Variants in NAA80 observed in about 807,000 individuals in gnomAD.
NAA80 encodes N-alpha-acetyltransferase 80.
A neutral mutation model predicts 8.7 loss-of-function variants in NAA80; 5 were observed. That is an observed-to-expected ratio of 0.58 (90% CI 0.30 to 1.21). The LOEUF (loss-of-function observed/expected upper bound fraction) is 1.21, where lower values mean the gene tolerates loss of function less well. NAA80 is among the 50% of genes most tolerant of loss of function. The pLI is 0.07. For missense variants in NAA80, 360 were observed against 368.6 expected (o/e 0.98, Z 0.19); for synonymous variants, 149 against 156.6 (o/e 0.95, Z 0.36).
chr3:50,298,916 G>A (rs1197445515), intron 1 of NAA80: 16 of 1,378,594 alleles, frequency 1.2e-5, no homozygotes, highest in South Asian at 9.1e-5. Flanking sequence ...CTTCCCCGCG[G>A]CCTTAACCCC....
intron 1 of NAA80, chr3:50,298,958 GC>G: frequency 7.0e-7 from 1 of 1,432,292 alleles, no homozygotes; most frequent in African/African-American, 1.4e-5. Context: ...TGTGGGCGGG[GC>G]TCCGGGGTCC....
chr3:50,297,807 C>A lies in NAA80; in HGVS notation c.-209-135G>T. 9.4e-6 allele frequency: 11 copies of A among 1,175,182 alleles called. No homozygotes were observed. Among genetic ancestry groups the A allele is most frequent in the Non-Finnish European group, 1.2e-5 (11 of 950,494 alleles). 72.8% of individuals were successfully genotyped at this position (1,175,182 alleles called of 1,614,324 possible). A position where few individuals can be genotyped will look rare whatever the true frequency, so the allele number is the denominator to read the frequency against. On this transcript the variant is annotated intron_variant, in intron 1 of 1. Coordinates refer to ENST00000443094, the MANE Select transcript of NAA80 (RefSeq NM_001200016.2). The surrounding 1 kb of genome is among the most constrained non-coding windows in gnomAD (Gnocchi z 4.3). ...GGGCTGCACTTTGTCCCACACTCAC[C>A]TGATAGCACAGGTGACCTGGAAGAG... is the stretch of plus-strand genomic sequence containing the variant.
chr3:50,298,737 T>G (rs1701978796), intron 1 of NAA80: 1 of 1,016,416 alleles, frequency 9.8e-7, no homozygotes, highest in Non-Finnish European at 1.2e-6. Context: ...TCTCCTGAGC[T>G]TGAGGCCAAT....
At position 50,297,765 on chromosome 3, in the gene NAA80, T is replaced by G; in HGVS notation, c.-209-93A>C. ...AGAGTGCAGGGGGGACCATGCATAC[T>G]GGAACTGGGGAGTGGTGGGCTGCAC... On this transcript the variant is annotated intron_variant, in intron 1 of 1. Transcript: ENST00000443094. The surrounding 1 kb of genome is among the most constrained non-coding windows in gnomAD (Gnocchi z 4.3). 7.9e-7 allele frequency: 1 copy of G among 1,268,082 alleles called. No homozygotes were observed. Among genetic ancestry groups the G allele is most frequent in the African/African-American group, 1.5e-5 (1 of 65,236 alleles). The allele number at this position is 1,268,082 out of a possible 1,614,324, so 78.6% of individuals were successfully genotyped here. A position where few individuals can be genotyped will look rare whatever the true frequency, so the allele number is the denominator to read the frequency against.
chr3:50,297,262 G>C lies in NAA80; in HGVS notation c.202C>G (p.Arg68Gly). 6.2e-7 allele frequency: 1 copy of C among 1,609,700 alleles called. No individual in the cohort carries two copies. The highest frequency in any genetic ancestry group is 8.5e-7 in the Non-Finnish European group (1 of 1,177,210). Residue 68 changes from arginine to glycine, a missense_variant, in exon 2 of 2, where the codon CGA becomes GGA. Arg to Gly is a moderately radical substitution (Grantham distance 125). Transcript: ENST00000443094. This position sits in a 1 kb window ranked among gnomAD's most constrained non-coding sequence, Gnocchi z 4.3. ...AELTLEPVHRRPELLDACADL... is the reference protein window; with the variant it reads ...AELTLEPVHRGPELLDACADL... ...GCACAAGCATCCAGGAGCTCGGGTCGGCGGTGCACAGGCTCCAGGGTCAAC... is the reference window on the plus strand; with the variant it reads ...GCACAAGCATCCAGGAGCTCGGGTCCGCGGTGCACAGGCTCCAGGGTCAAC...
intron 1 of NAA80, chr3:50,298,917 C>A: frequency 7.2e-7 from 1 of 1,381,154 alleles, no homozygotes; most frequent in South Asian, 1.5e-5. Flanking sequence ...TTCCCCGCGG[C>A]CTTAACCCCT....
Position 50,296,558 on chromosome 3 carries a change from G to C in NAA80, c.*45C>G, listed in dbSNP as rs781996881. On this transcript the variant is annotated 3_prime_UTR_variant, in exon 2 of 2. Transcript: ENST00000443094. The stretch of plus-strand genomic sequence containing the variant: ...TGGGCTGAGGCTTGTAGACTGTCGG[G>C]GCAGTCTATTGAACCAGAAAGACAG... 17 of 1,591,390 alleles carry C rather than the reference G, an allele frequency of 1.1e-5. No individual in the cohort carries two copies. Among genetic ancestry groups the C allele is most frequent in the African/African-American group, 9.4e-5 (7 of 74,506 alleles).
intron 1 of NAA80, among the ~76,000 whole-genome samples, chr3:50,298,491 G>T (rs1701957310): frequency 2.0e-5 from 3 of 151,484 alleles, no homozygotes; most frequent in African/African-American, 7.3e-5. Flanking sequence ...ACTGGCTTGA[G>T]TTTCGCAGGC....
At position 50,296,871 on chromosome 3, in the gene NAA80, AC is replaced by A. The variant is rs1553711282; in HGVS notation, c.592del (p.Val198SerfsTer30). On this transcript the variant is annotated frameshift_variant, in exon 2 of 2. Coordinates refer to ENST00000443094, the MANE Select transcript of NAA80 (RefSeq NM_001200016.2). LOFTEE classifies it low-confidence loss of function (END_TRUNC). ...YQLGEPVQGL[V>X]FTSRRLPATL... Reference sequence around the variant, plus strand: ...GGCAGGCAGCCGTCTGCTGGTGAAGACCAGGCCCTGCACAGGCTCACCCAGC... The same window carrying A: ...GGCAGGCAGCCGTCTGCTGGTGAAGACAGGCCCTGCACAGGCTCACCCAGC... 6.2e-7 allele frequency: 1 copy of A among 1,601,018 alleles called. No homozygotes were observed. Among genetic ancestry groups the A allele is most frequent in the East Asian group, 2.2e-5 (1 of 44,778 alleles).
intron 1 of NAA80, among the ~76,000 whole-genome samples, chr3:50,298,647 G>A (rs1701971788): frequency 6.6e-6 from 1 of 152,256 alleles, no homozygotes; most frequent in East Asian, 1.9e-4. Context: ...TATGCTGGGG[G>A]TTTTCTAGTC....
chr3:50,297,240 C>T lies in NAA80; in HGVS notation c.224G>A (p.Cys75Tyr). The change falls in exon 2 of 2, where the codon TGT becomes TAT. Residue 75 changes from cysteine (C) to tyrosine (Y), a missense_variant. Transcript: ENST00000443094. The surrounding 1 kb of genome is among the most constrained non-coding windows in gnomAD (Gnocchi z 4.3). ...VHRRPELLDA[C>Y]ADLINDQWPR... The stretch of plus-strand genomic sequence containing the variant: ...CCACTGATCATTGATGAGGTCAGCA[C>T]AAGCATCCAGGAGCTCGGGTCGGCG... 6.2e-7 allele frequency: 1 copy of T among 1,612,176 alleles called. No homozygotes were observed. The highest frequency in any genetic ancestry group is 8.5e-7 in the Non-Finnish European group (1 of 1,178,768).
Position 50,296,625 on chromosome 3 carries a change from A to G in NAA80, c.839T>C (p.Phe280Ser). ...QYQNVRGRPI[F>S]WMEKDI ...GCCTCAGATGTCTTTTTCCATCCAGAATATGGGGCGCCCCCTCACATTTTG... is the reference window on the plus strand; with the variant it reads ...GCCTCAGATGTCTTTTTCCATCCAGGATATGGGGCGCCCCCTCACATTTTG... Residue 280 changes from phenylalanine to serine, a missense_variant, in exon 2 of 2, where the codon TTC becomes TCC. Physicochemically the swap from Phe to Ser is radical, Grantham distance 155 (BLOSUM62 -2). Transcript: ENST00000443094. 2.5e-6 allele frequency: 4 copies of G among 1,614,032 alleles called. No individual in the cohort carries two copies. Among genetic ancestry groups the G allele is most frequent in the Non-Finnish European group, 3.4e-6 (4 of 1,179,992 alleles).
chr3:50,297,347 A>G lies in NAA80; in HGVS notation c.117T>C (p.Thr39=), dbSNP rs781944387. Residue 39 remains threonine (T), a synonymous_variant, in exon 2 of 2, where the codon ACT becomes ACC. Coordinates refer to ENST00000443094, the MANE Select transcript of NAA80 (RefSeq NM_001200016.2). This position sits in a 1 kb window ranked among gnomAD's most constrained non-coding sequence, Gnocchi z 4.3. ...QPEMTFNPGP[T]ELTLDPEHQP... ...GGTGTTCAGGATCCAGGGTAAGCTC[A>G]GTTGGACCAGGATTGAAGGTCATCT... 7.4e-6 allele frequency: 12 copies of G among 1,611,194 alleles called. No homozygotes were observed. The South Asian group carries it at 1.3e-4, about 18-fold the overall frequency.
Position 50,298,017 on chromosome 3 carries a change from T to G in NAA80, c.-209-345A>C. On this transcript the variant is annotated intron_variant, in intron 1 of 1. Transcript: ENST00000443094. ...TCACAGGGGGTCTGTAACCACCAGGTCTATAAAACAGCCGACCCAATCTAC... is the reference window on the plus strand; with the variant it reads ...TCACAGGGGGTCTGTAACCACCAGGGCTATAAAACAGCCGACCCAATCTAC... The G allele has an allele frequency of 3.0e-6, 3 of 986,218 alleles. No homozygotes were observed. In the South Asian group the frequency reaches 1.4e-4, roughly 46 times the overall value. The allele number at this position is 986,218 out of a possible 1,614,324, so 61.1% of individuals were successfully genotyped here. A position where few individuals can be genotyped will look rare whatever the true frequency, so the allele number is the denominator to read the frequency against.
chr3:50,297,724 G>A lies in NAA80; in HGVS notation c.-209-52C>T. On this transcript the variant is annotated intron_variant, in intron 1 of 1. Transcript: ENST00000443094. This position sits in a 1 kb window ranked among gnomAD's most constrained non-coding sequence, Gnocchi z 4.3. ...TGCCAGGAGGGAGGGTGGGGTTGGAGCAGGGAAGGGCTGACAGAGTGCAGG... is the reference window on the plus strand; with the variant it reads ...TGCCAGGAGGGAGGGTGGGGTTGGAACAGGGAAGGGCTGACAGAGTGCAGG... The A allele has an allele frequency of 5.1e-6, 7 of 1,360,256 alleles. No homozygotes were observed. The highest frequency in any genetic ancestry group is 5.7e-6 in the Non-Finnish European group (6 of 1,061,126). 84.3% of individuals were successfully genotyped at this position (1,360,256 alleles called of 1,614,324 possible).
chr3:50,297,526 G>C lies in NAA80; in HGVS notation c.-63C>G. On this transcript the variant is annotated 5_prime_UTR_variant, in exon 2 of 2. Coordinates refer to ENST00000443094, the MANE Select transcript of NAA80 (RefSeq NM_001200016.2). The surrounding 1 kb of genome is among the most constrained non-coding windows in gnomAD (Gnocchi z 4.3). Reference sequence around the variant, plus strand: ...GGGCCAGGGCTCAGAGTCAGCTCTTGCCTATGCACAGGATCCAGGTTCAGC... The same window carrying C: ...GGGCCAGGGCTCAGAGTCAGCTCTTCCCTATGCACAGGATCCAGGTTCAGC... The C allele has an allele frequency of 6.6e-7, 1 of 1,522,766 alleles. No homozygotes were observed. The highest frequency in any genetic ancestry group is 8.8e-7 in the Non-Finnish European group (1 of 1,132,874). The allele number at this position is 1,522,766 out of a possible 1,614,324, so 94.3% of individuals were successfully genotyped here.
chr3:50,297,203 G>A lies in NAA80; in HGVS notation c.261C>T (p.Arg87=). ...GGCCCAGGGAGTGCAGGCGGGAGGTGCGGCTGCGGGGCCACTGATCATTGA... is the reference window on the plus strand; with the variant it reads ...GGCCCAGGGAGTGCAGGCGGGAGGTACGGCTGCGGGGCCACTGATCATTGA... ...DLINDQWPRS[R]TSRLHSLGQS... The change falls in exon 2 of 2, where the codon CGC becomes CGT. Residue 87 remains arginine, a synonymous_variant. Coordinates refer to ENST00000443094, the MANE Select transcript of NAA80 (RefSeq NM_001200016.2). The surrounding 1 kb of genome is among the most constrained non-coding windows in gnomAD (Gnocchi z 4.3). 1 of 1,612,704 alleles carries A rather than the reference G, an allele frequency of 6.2e-7. No homozygotes were observed. Among genetic ancestry groups the A allele is most frequent in the South Asian group, 1.1e-5 (1 of 90,912 alleles).
Position 50,297,718 on chromosome 3 carries a change from G to T in NAA80, c.-209-46C>A, listed in dbSNP as rs587652416. ...GGGCTGTGCCAGGAGGGAGGGTGGG[G>T]TTGGAGCAGGGAAGGGCTGACAGAG... On this transcript the variant is annotated intron_variant, in intron 1 of 1. Coordinates refer to ENST00000443094, the MANE Select transcript of NAA80 (RefSeq NM_001200016.2). The surrounding 1 kb of genome is among the most constrained non-coding windows in gnomAD (Gnocchi z 4.3). 3.4e-5 allele frequency: 47 copies of T among 1,363,314 alleles called. No individual in the cohort carries two copies. The highest frequency in any genetic ancestry group is 5.4e-4 in the Middle Eastern group (2 of 3,696). 84.5% of individuals were successfully genotyped at this position (1,363,314 alleles called of 1,614,324 possible). A position where few individuals can be genotyped will look rare whatever the true frequency, so the allele number is the denominator to read the frequency against.
At position 50,296,561 on chromosome 3, in the gene NAA80, A is replaced by C. The variant is rs1701847110; in HGVS notation, c.*42T>G. 1 of 1,592,490 alleles carries C rather than the reference A, an allele frequency of 6.3e-7. No homozygotes were observed. Among genetic ancestry groups the C allele is most frequent in the African/African-American group, 1.3e-5 (1 of 74,514 alleles). ...GCTGAGGCTTGTAGACTGTCGGGGC[A>C]GTCTATTGAACCAGAAAGACAGTTC... On this transcript the variant is annotated 3_prime_UTR_variant, in exon 2 of 2. Transcript: ENST00000443094.
Sources: allele counts gnomAD v4.1 joint callset (sites outside exome capture counted in the v4.1 genomes callset), GRCh38; gene constraint gnomAD v4.1.1; non-coding constraint Gnocchi (gnomAD v3.1); transcripts MANE v1.5; gene names NCBI Gene and HGNC (gene_info 2026-07-23, HGNC 2026-07-21).